Variants in CEP85L observed in about 807,000 individuals in gnomAD.
CEP85L encodes the protein centrosomal protein of 85 kDa-like.
A neutral mutation model predicts 100.3 loss-of-function variants in CEP85L; 60 were observed. The observed-to-expected ratio is 0.60, with a 90% CI of 0.49 to 0.74. CEP85L has a LOEUF of 0.74. Among genes scored for constraint, CEP85L ranks in the 30% least tolerant of loss-of-function variants. The pLI, the probability that CEP85L is intolerant of heterozygous loss-of-function variation, is 0.00. For missense variants in CEP85L, 973 were observed against 936.2 expected (o/e 1.04, Z -0.51); for synonymous variants, 319 against 322.7 (o/e 0.99, Z 0.12).
chr6:118,699,855 C>T (rs1383299418), intron 1 of CEP85L, among the ~76,000 whole-genome samples: 2 of 152,118 alleles, frequency 1.3e-5, no homozygotes, highest in African/African-American at 4.8e-5. Flanking sequence ...CCACCACGCC[C>T]AGCTAATTTT....
intron 2 of CEP85L, among the ~76,000 whole-genome samples, chr6:118,605,952 T>G (rs959096742): frequency 6.8e-6 from 1 of 146,222 alleles, no homozygotes; most frequent in African/African-American, 2.6e-5. Flanking sequence ...AGGCAGAGGT[T>G]GCGGTGAGCC....
intron 4 of CEP85L, among the ~76,000 whole-genome samples, chr6:118,512,708 G>C (rs866781114): frequency 5.3e-5 from 8 of 151,978 alleles, no homozygotes; most frequent in African/African-American, 1.9e-4. Flanking sequence ...TGTCTCAGTG[G>C]GGAAAAAATA....
intron 6 of CEP85L, among the ~76,000 whole-genome samples, chr6:118,485,350 T>C (rs1369632835): frequency 6.6e-6 from 1 of 152,162 alleles, no homozygotes; most frequent in Non-Finnish European, 1.5e-5. Flanking sequence ...TTGTTCACAG[T>C]CTAGTTTCTT....
chr6:118,498,967 C>T (rs1179302370), intron 5 of CEP85L, among the ~76,000 whole-genome samples: 2 of 152,236 alleles, frequency 1.3e-5, no homozygotes, highest in East Asian at 3.9e-4. Context: ...GCTGGGAAAT[C>T]CCAAAATACC....
chr6:118,597,052 A>AT (rs11408707), intron 2 of CEP85L, among the ~76,000 whole-genome samples: 77,322 of 151,344 alleles, frequency 0.51, 20,101 homozygotes, highest in Middle Eastern at 0.58. Flanking sequence ...TCATAAGGAA[A>AT]TTTTTTTCCC....
chr6:118,505,038 G>A (rs1775555159), intron 5 of CEP85L, among the ~76,000 whole-genome samples: 1 of 152,122 alleles, frequency 6.6e-6, no homozygotes, highest in African/African-American at 2.4e-5. Context: ...GGTGAAGGCT[G>A]TGCATGTGTG....
In CEP85L at chr6:118,565,560, T is replaced by C; in HGVS notation, c.989A>G (p.Asp330Gly). Residue 330 changes from aspartate to glycine, a missense_variant, in exon 3 of 13, where the codon GAC (aspartate) becomes GGC (glycine). This residue lies in a region of CEP85L where 890 missense variants were observed against 844.5 expected (regional missense o/e 1.05). Transcript: ENST00000368491. ...TGGTGTTTCACTTCCTTGTCGAAAG[T>C]CTTCAATTTGCTGCTGTTGCCAAGG... ...LAPWQQQQIE[D>G]FRQGSETPMQ... 1.9e-6 allele frequency: 3 copies of C among 1,614,184 alleles called. No individual in the cohort carries two copies. The highest frequency in any genetic ancestry group is 2.5e-6 in the Non-Finnish European group (3 of 1,180,024).
chr6:118,519,090 G>C (rs949887233), intron 4 of CEP85L, among the ~76,000 whole-genome samples: 1 of 152,042 alleles, frequency 6.6e-6, no homozygotes, highest in African/African-American at 2.4e-5. Flanking sequence ...ACTGTGGTCC[G>C]AGAGACTAAA....
chr6:118,520,108 C>T (rs1208158672), intron 4 of CEP85L, among the ~76,000 whole-genome samples: 1 of 152,104 alleles, frequency 6.6e-6, no homozygotes, highest in Admixed American at 6.5e-5. Context: ...TGGTGAAAGG[C>T]TGAAGACTTT....
upstream of CEP85L, chr6:118,651,752 TTGGCG>T (rs1775584906): frequency 1.0e-6 from 1 of 986,560 alleles, no homozygotes; most frequent in African/African-American, 1.7e-5. Flanking sequence ...CTTCGCCTCC[TTGGCG>T]GCGACTGGGC....
chr6:118,569,411 G>A (rs1374138765), intron 2 of CEP85L, among the ~76,000 whole-genome samples: 1 of 138,386 alleles, frequency 7.2e-6, no homozygotes, highest in Non-Finnish European at 1.5e-5. Context: ...GTATACATAT[G>A]TAACAAACCT....
At chr6:118,501,503 C>A in intron 5 of CEP85L, 1 of 465,350 alleles carries the variant, frequency 2.1e-6, no homozygotes, top group South Asian at 1.6e-5. Flanking sequence ...TTTTATTGCT[C>A]CTGGCTACTC....
intron 3 of CEP85L, 116 bp downstream of exon 3, chr6:118,565,413 C>A: frequency 9.9e-7 from 1 of 1,014,182 alleles, no homozygotes; most frequent in Non-Finnish European, 1.5e-6. Flanking sequence ...TATTAACTTG[C>A]AGGGAAAAGG....
At chr6:118,636,789 A>G (rs1352650651) in intron 1 of CEP85L, among the ~76,000 whole-genome samples, 1 of 152,172 alleles carries the variant, frequency 6.6e-6, no homozygotes, top group Non-Finnish European at 1.5e-5. Flanking sequence ...CTGGGGCTTG[A>G]GCCTGCCAGC....
chr6:118,493,960 C>T (rs983336989), intron 5 of CEP85L, among the ~76,000 whole-genome samples: 1 of 151,930 alleles, frequency 6.6e-6, no homozygotes, highest in African/African-American at 2.4e-5. Context: ...TCAGAAGTCG[C>T]CACTCAGTCC....
chr6:118,469,940 T>C (rs1478321186), intron 11 of CEP85L, among the ~76,000 whole-genome samples: 1 of 152,150 alleles, frequency 6.6e-6, no homozygotes, highest in African/African-American at 2.4e-5. Context: ...ATTCCAAGGA[T>C]AAAAAGAACT....
chr6:118,503,957 C>A (rs975214200), intron 5 of CEP85L, among the ~76,000 whole-genome samples: 1 of 151,312 alleles, frequency 6.6e-6, no homozygotes, highest in Non-Finnish European at 1.5e-5. Context: ...AAATTAAAAA[C>A]TTTTTCCCTC....
At chr6:118,674,778 T>A (rs764262345) in intron 1 of CEP85L, among the ~76,000 whole-genome samples, 3 of 152,168 alleles carry the variant, frequency 2.0e-5, no homozygotes, top group Admixed American at 2.0e-4. Context: ...TCACATCCTG[T>A]AGAAAGGCTA....
intron 2 of CEP85L, among the ~76,000 whole-genome samples, chr6:118,608,367 C>T (rs750260720): frequency 5.9e-5 from 9 of 152,136 alleles, no homozygotes; most frequent in Middle Eastern, 3.4e-3. Flanking sequence ...TGGTGGCGTA[C>T]GCCTGAAGTC....
Sources: gnomAD v4.1 joint callset for allele counts (sites outside exome capture counted in the v4.1 genomes callset) on GRCh38, gnomAD v4.1.1 for gene constraint, gnomAD v4.1.1 regional missense constraint, MANE v1.5 for transcripts, NCBI Gene and HGNC (gene_info 2026-07-23, HGNC 2026-07-21) for gene names.